ZBTB20: variants seen among roughly 807,000 people sequenced by gnomAD.
ZBTB20 encodes zinc finger and BTB domain-containing protein 20.
Under a neutral mutation model 56.9 loss-of-function variants are expected in ZBTB20, and 9 were observed. The ratio of observed to expected loss-of-function variants is 0.16; its 90% CI spans 0.10 to 0.28. ZBTB20 has a LOEUF of 0.28. Ranked by LOEUF, ZBTB20 falls within the 10% of genes least tolerant of loss-of-function variation. The pLI is 1.00. For missense variants in ZBTB20, 655 were observed against 1,003.0 expected (o/e 0.65, Z 4.69); for synonymous variants, 417 against 420.7 (o/e 0.99, Z 0.11).
chr3:114,394,117 A>C (rs1258510022), intron 7 of ZBTB20, among the ~76,000 whole-genome samples: 1 of 152,214 alleles, frequency 6.6e-6, no homozygotes, highest in African/African-American at 2.4e-5. Flanking sequence ...CATTTATTGG[A>C]TGTCTAAATT....
At position 114,839,803 on chromosome 3, in the gene ZBTB20, C is replaced by T. The variant is rs2074306808; in HGVS notation, c.-416-38629G>A. Among the ~76,000 whole-genome samples the T allele has an allele frequency of 2.0e-5, 3 of 152,172 alleles. No individual in the cohort carries two copies. The South Asian group carries it at 6.2e-4, about 32-fold the overall frequency. ...GGCCATGTGAAGACAGAGGCACAAA[C>T]TGGAGTTACATAGCCACAAGCCAAG... On this transcript the variant is annotated intron_variant, in intron 4 of 11. Coordinates refer to ENST00000675478, the MANE Select transcript of ZBTB20 (RefSeq NM_001348800.3).
At chr3:114,786,742 C>T (rs1478378878) in intron 5 of ZBTB20, among the ~76,000 whole-genome samples, 4 of 151,662 alleles carry the variant, frequency 2.6e-5, no homozygotes, top group Non-Finnish European at 5.9e-5. Flanking sequence ...TTCCATTACA[C>T]ACCTTTTATA....
chr3:114,804,497 C>T (rs976819427), intron 4 of ZBTB20, among the ~76,000 whole-genome samples: 2 of 151,920 alleles, frequency 1.3e-5, no homozygotes, highest in South Asian at 4.1e-4. Context: ...AGAGTTCACT[C>T]ATCTCTCTAT....
chr3:114,652,817 A>G (rs1002548444), intron 6 of ZBTB20, among the ~76,000 whole-genome samples: 1 of 152,002 alleles, frequency 6.6e-6, no homozygotes, highest in Non-Finnish European at 1.5e-5. Flanking sequence ...TCTATAAATA[A>G]CGGATTTTTC....
chr3:114,341,876 G>A (rs1043677091), intron 11 of ZBTB20, among the ~76,000 whole-genome samples: 2 of 152,214 alleles, frequency 1.3e-5, no homozygotes, highest in Admixed American at 6.5e-5. Context: ...TCCTGGCCTT[G>A]TCAGTGAATG....
intron 3 of ZBTB20, among the ~76,000 whole-genome samples, chr3:114,934,409 C>G (rs1057285608): frequency 2.0e-5 from 3 of 152,140 alleles, no homozygotes; most frequent in African/African-American, 4.8e-5. Context: ...TATCCTTTTC[C>G]TCCTCCTTTA....
At chr3:114,408,665 T>C (rs148313788) in intron 7 of ZBTB20, among the ~76,000 whole-genome samples, 71 of 152,288 alleles carry the variant, frequency 4.7e-4, no homozygotes, top group African/African-American at 1.7e-3. Context: ...CAAGTAGACA[T>C]TTCCTTTGTT....
chr3:114,556,517 T>G (rs1342623966), intron 6 of ZBTB20, among the ~76,000 whole-genome samples: 2 of 152,062 alleles, frequency 1.3e-5, no homozygotes, highest in African/African-American at 4.8e-5. Flanking sequence ...TGTTTTCCAA[T>G]CTGTATGAAT....
At chr3:115,140,600 T>TA (rs1169304613) in intron 1 of ZBTB20, among the ~76,000 whole-genome samples, 1 of 152,038 alleles carries the variant, frequency 6.6e-6, no homozygotes, top group African/African-American at 2.4e-5. Context: ...TGTAAATTGT[T>TA]AGAGATTGTT....
intron 2 of ZBTB20, among the ~76,000 whole-genome samples, chr3:114,990,295 G>A (rs1340222469): frequency 6.6e-6 from 1 of 152,092 alleles, no homozygotes; most frequent in Non-Finnish European, 1.5e-5. Context: ...CTAATTTATT[G>A]AGAGTTTTTA....
intron 8 of ZBTB20, among the ~76,000 whole-genome samples, chr3:114,385,079 G>A (rs985530673): frequency 2.0e-5 from 3 of 152,036 alleles, no homozygotes; most frequent in African/African-American, 7.2e-5. Context: ...GCACGTTAAT[G>A]TGCCTTTTAC....
At chr3:115,063,684 AACAC>A (rs374437365) in intron 2 of ZBTB20, among the ~76,000 whole-genome samples, 1 of 126,490 alleles carries the variant, frequency 7.9e-6, no homozygotes, top group Non-Finnish European at 1.8e-5. Flanking sequence ...CACACACACA[AACAC>A]ACACACACAG....
chr3:114,964,313 C>T (rs2077562918), intron 3 of ZBTB20, among the ~76,000 whole-genome samples: 1 of 151,954 alleles, frequency 6.6e-6, no homozygotes, highest in Non-Finnish European at 1.5e-5. Context: ...TACTTGGGAA[C>T]CTGAGGCATG....
At chr3:114,661,595 T>C (rs2060725552) in intron 6 of ZBTB20, among the ~76,000 whole-genome samples, 1 of 152,156 alleles carries the variant, frequency 6.6e-6, no homozygotes, top group Admixed American at 6.6e-5. Context: ...TATCCTCAAA[T>C]CCCTGATTCC....
At chr3:114,609,088 T>G (rs1386703449) in intron 6 of ZBTB20, among the ~76,000 whole-genome samples, 1 of 152,160 alleles carries the variant, frequency 6.6e-6, no homozygotes, top group Non-Finnish European at 1.5e-5. Flanking sequence ...ACAAATTTGG[T>G]CTGAGACAAA....
At position 114,738,818 on chromosome 3, in the gene ZBTB20, G is replaced by A. The variant is rs186730214; in HGVS notation, c.-342-45243C>T. ...AACGTAATAGGAATAAACAGAGAAC[G>A]TTTCAAAGATACAGAATTTCCATTG... On this transcript the variant is annotated intron_variant, in intron 5 of 11. Coordinates refer to ENST00000675478, the MANE Select transcript of ZBTB20 (RefSeq NM_001348800.3). Among the ~76,000 whole-genome samples, 544 of 152,202 alleles carry A rather than the reference G, an allele frequency of 3.6e-3. 2 individuals carry two copies. The highest frequency in any genetic ancestry group is 8.4e-4 in the African/African-American group (35 of 41,534).
At chr3:114,392,647 C>A (rs2085983587) in intron 7 of ZBTB20, among the ~76,000 whole-genome samples, 1 of 152,180 alleles carries the variant, frequency 6.6e-6, no homozygotes, top group African/African-American at 2.4e-5. Context: ...CTAGCTTAGC[C>A]TAGTACTCAT....
intron 6 of ZBTB20, among the ~76,000 whole-genome samples, chr3:114,528,448 AT>A (rs1488055063): frequency 2.0e-5 from 3 of 152,080 alleles, no homozygotes; most frequent in Non-Finnish European, 4.4e-5. Flanking sequence ...ACAAAAAAAA[AT>A]TTTTCCTAAA....
At chr3:114,831,398 T>C (rs1381323088) in intron 4 of ZBTB20, among the ~76,000 whole-genome samples, 1 of 151,908 alleles carries the variant, frequency 6.6e-6, no homozygotes, top group African/African-American at 2.4e-5. Flanking sequence ...GTTTCCTCCT[T>C]CAACTATGAA....
Sources: gnomAD v4.1 joint callset for allele counts (sites outside exome capture counted in the v4.1 genomes callset) on GRCh38, gnomAD v4.1.1 for gene constraint, MANE v1.5 for transcripts, NCBI Gene and HGNC (gene_info 2026-07-23, HGNC 2026-07-21) for gene names.